MAD1L1: variants seen among roughly 807,000 people sequenced by gnomAD.
MAD1L1 encodes mitotic spindle assembly checkpoint protein MAD1.
In MAD1L1, 95 loss-of-function variants were observed where a neutral mutation model predicts 96.9. The observed-to-expected ratio is 0.98, with a 90% CI of 0.83 to 1.16. The LOEUF is 1.16. MAD1L1 is among the 50% of genes most tolerant of loss of function. MAD1L1 has a pLI of 0.00. For synonymous variants in MAD1L1, 473 were observed against 396.6 expected, an observed-to-expected ratio of 1.19 and a Z score of -2.29; for missense variants, 1,007 against 954.4, an observed-to-expected ratio of 1.06 and a Z score of -0.73.
At chr7:1,896,353 G>A (rs1371432684) in intron 18 of MAD1L1, among the ~76,000 whole-genome samples, 1 of 152,228 alleles carries the variant, frequency 6.6e-6, no homozygotes, top group African/African-American at 2.4e-5. Flanking sequence ...CTGAGATGCT[G>A]GCTCGAGCAG....
At chr7:2,018,911 C>G (rs1309621055) in intron 12 of MAD1L1, among the ~76,000 whole-genome samples, 1 of 152,182 alleles carries the variant, frequency 6.6e-6, no homozygotes, top group African/African-American at 2.4e-5. Context: ...GGGCCTCTTC[C>G]CAAGCCCATC....
At chr7:1,870,399 ACCTGCCACGCTGAACCCAACATACT>A (rs1784997393) in intron 18 of MAD1L1, among the ~76,000 whole-genome samples, 3 of 133,142 alleles carry the variant, frequency 2.3e-5, no homozygotes, top group South Asian at 2.5e-4. Flanking sequence ...CCACCATAAC[ACCTGCCACGCTGAACCCAACATACT>A]CCTGCCACGC....
chr7:2,194,009 T>A (rs948219009), intron 10 of MAD1L1, among the ~76,000 whole-genome samples: 2 of 138,552 alleles, frequency 1.4e-5, no homozygotes, highest in South Asian at 4.7e-4. Flanking sequence ...AGTGGCATGA[T>A]CTCGGCTCAC....
intron 11 of MAD1L1, among the ~76,000 whole-genome samples, chr7:2,095,665 C>A (rs746707443): frequency 2.0e-5 from 3 of 152,204 alleles, no homozygotes; most frequent in Non-Finnish European, 4.4e-5. Context: ...GCACTTCCTC[C>A]CTGAGCCGCT....
intron 10 of MAD1L1, among the ~76,000 whole-genome samples, chr7:2,152,380 C>T (rs1243007522): frequency 6.6e-6 from 1 of 152,244 alleles, no homozygotes; most frequent in Non-Finnish European, 1.5e-5. Context: ...GGCACAGGGG[C>T]ACCAGAAGGA....
At chr7:2,165,658 A>C (rs927771813) in intron 10 of MAD1L1, among the ~76,000 whole-genome samples, 1 of 94,866 alleles carries the variant, frequency 1.1e-5, no homozygotes, top group African/African-American at 4.3e-5. Context: ...CGAAACGACC[A>C]AAACACGCGT....
intron 9 of MAD1L1, among the ~76,000 whole-genome samples, 180 bp from the exon 10 acceptor site, chr7:2,213,453 C>A (rs994138628): frequency 6.6e-6 from 1 of 152,204 alleles, no homozygotes; most frequent in African/African-American, 2.4e-5. Context: ...TATTCCCCAA[C>A]TGCAGAAGCC....
intron 18 of MAD1L1, among the ~76,000 whole-genome samples, chr7:1,834,887 G>A (rs1782871130): frequency 6.6e-6 from 1 of 151,770 alleles, no homozygotes; most frequent in South Asian, 2.1e-4. Flanking sequence ...ACAACCCTAA[G>A]GAATATTTAT....
At chr7:2,121,734 G>A (rs1040016365) in intron 11 of MAD1L1, among the ~76,000 whole-genome samples, 9 of 151,992 alleles carry the variant, frequency 5.9e-5, no homozygotes, top group African/African-American at 2.2e-4. Context: ...GGAGGGAAAG[G>A]TCACACCTTT....
intron 15 of MAD1L1, among the ~76,000 whole-genome samples, chr7:1,978,711 C>T (rs952143790): frequency 2.0e-5 from 3 of 152,162 alleles, no homozygotes; most frequent in African/African-American, 4.8e-5. Context: ...GGACCACGTG[C>T]ACCTCACAGG....
intron 17 of MAD1L1, among the ~76,000 whole-genome samples, chr7:1,900,344 C>T (rs1160503466): frequency 5.9e-5 from 9 of 152,224 alleles, no homozygotes; most frequent in Non-Finnish European, 1.0e-4. Flanking sequence ...CCTGTACAAC[C>T]GCAGGCCTGT....
intron 11 of MAD1L1, among the ~76,000 whole-genome samples, chr7:2,120,876 C>A (rs973318388): frequency 1.4e-4 from 21 of 152,198 alleles, no homozygotes; most frequent in Non-Finnish European, 2.9e-4. Context: ...AGGATCCCAA[C>A]AGGCTGGTGT....
intron 18 of MAD1L1, among the ~76,000 whole-genome samples, chr7:1,886,123 C>A (rs138978947): frequency 6.6e-6 from 1 of 152,366 alleles, no homozygotes; most frequent in East Asian, 1.9e-4. Context: ...GTCAGCCCAG[C>A]AGCACTGTGA....
intron 18 of MAD1L1, among the ~76,000 whole-genome samples, chr7:1,830,083 A>T (rs1387297796): frequency 6.6e-6 from 1 of 152,210 alleles, no homozygotes; most frequent in African/African-American, 2.4e-5. Flanking sequence ...AGACAGAAGG[A>T]AAATGAGGAT....
chr7:2,136,441 C>T (rs775095084), intron 11 of MAD1L1, among the ~76,000 whole-genome samples: 1 of 152,222 alleles, frequency 6.6e-6, no homozygotes, highest in South Asian at 2.1e-4. Flanking sequence ...GTGCCTGGTA[C>T]CCACAGGTGC....
chr7:2,040,264 T>C (rs925166371), intron 12 of MAD1L1, among the ~76,000 whole-genome samples: 1 of 152,206 alleles, frequency 6.6e-6, no homozygotes, highest in Non-Finnish European at 1.5e-5. Flanking sequence ...CTGGATTAGT[T>C]TTGAAGACGC....
intron 12 of MAD1L1, among the ~76,000 whole-genome samples, chr7:2,024,809 C>A (rs969019174): frequency 2.0e-5 from 3 of 152,280 alleles, no homozygotes; most frequent in Non-Finnish European, 2.9e-5. Context: ...AAGTTGATCA[C>A]TAATAACCTC....
intron 17 of MAD1L1, among the ~76,000 whole-genome samples, chr7:1,921,630 A>G (rs1378134644): frequency 2.0e-5 from 3 of 152,242 alleles, no homozygotes; most frequent in African/African-American, 7.2e-5. Context: ...TGACAAAGTA[A>G]TTCTAAAATT....
intron 12 of MAD1L1, among the ~76,000 whole-genome samples, chr7:2,015,717 G>A (rs1367339635): frequency 1.3e-5 from 2 of 152,218 alleles, no homozygotes; most frequent in Non-Finnish European, 2.9e-5. Context: ...TCCGCCCTGC[G>A]TGAGCCCACA....
Sources: gnomAD v4.1 joint callset for allele counts (sites outside exome capture counted in the v4.1 genomes callset) on GRCh38, gnomAD v4.1.1 for gene constraint, MANE v1.5 for transcripts, NCBI Gene and HGNC (gene_info 2026-07-23, HGNC 2026-07-21) for gene names.